LCORL: variants seen among roughly 807,000 people sequenced by gnomAD.
LCORL encodes the protein ligand dependent nuclear receptor corepressor like.
A neutral mutation model predicts 141.8 loss-of-function variants in LCORL; 41 were observed. That is an observed-to-expected ratio of 0.29 (90% CI 0.23 to 0.38). LCORL has a LOEUF of 0.38. Among genes scored for constraint, LCORL ranks in the 10% least tolerant of loss-of-function variants. LCORL has a pLI of 1.00. For synonymous variants in LCORL, 618 were observed against 694.1 expected, an observed-to-expected ratio of 0.89 and a Z score of 1.72; for missense variants, 1,759 against 2,035.0, an observed-to-expected ratio of 0.86 and a Z score of 2.61.
intron 7 of LCORL, among the ~76,000 whole-genome samples, chr4:17,856,467 G>A (rs1185920988): frequency 6.6e-6 from 1 of 152,134 alleles, no homozygotes; most frequent in Non-Finnish European, 1.5e-5. Context: ...CAAACCTGCT[G>A]GACCTTGATC....
chr4:17,935,010 G>A (rs1291331234), intron 4 of LCORL, among the ~76,000 whole-genome samples: 1 of 152,066 alleles, frequency 6.6e-6, no homozygotes, highest in Admixed American at 6.6e-5. Context: ...TACTCAATAT[G>A]TAGTTTCATA....
chr4:17,968,698 A>C (rs1715382465), intron 2 of LCORL, among the ~76,000 whole-genome samples: 2 of 152,218 alleles, frequency 1.3e-5, no homozygotes, highest in African/African-American at 4.8e-5. Context: ...TTATAGTATA[A>C]AAGCAGCCAT....
rs752737354 is a variant in LCORL, at chr4:17,877,147, G to A, written c.1843C>T (p.Arg615Cys). Residue 615 changes from arginine (R) to cysteine (C), a missense_variant, in exon 7 of 8, where the codon CGC becomes TGC. By Grantham distance (180) the Arg-to-Cys change is radical (BLOSUM62 -3). This residue lies in a region of LCORL where 1,311 missense variants were observed against 1,531.3 expected (regional missense o/e 0.86). Transcript: ENST00000635767. ...AACATGGGTGAATCAGAGGAGTTGCGCATTGCAAATAAAGTTTCTTGACGC... is the reference window on the plus strand; with the variant it reads ...AACATGGGTGAATCAGAGGAGTTGCACATTGCAAATAAAGTTTCTTGACGC... 2.9e-5 allele frequency: 36 copies of A among 1,230,516 alleles called. No homozygotes were observed. The African/African-American group carries it at 3.0e-4, about 10-fold the overall frequency. 76.2% of individuals were successfully genotyped at this position (1,230,516 alleles called of 1,614,324 possible).
chr4:17,963,938 C>T (rs1194071505), intron 2 of LCORL, among the ~76,000 whole-genome samples: 2 of 152,008 alleles, frequency 1.3e-5, no homozygotes, highest in Non-Finnish European at 2.9e-5. Flanking sequence ...AATTTTCATA[C>T]TTTTGAAATA....
intron 5 of LCORL, among the ~76,000 whole-genome samples, chr4:17,896,821 A>G (rs189546984): frequency 3.9e-4 from 59 of 152,154 alleles, no homozygotes; most frequent in African/African-American, 1.3e-3. Context: ...GATCTTATTC[A>G]TTCTACTTTT....
chr4:17,874,057 T>C, exon 7 of LCORL: 1 of 1,234,054 alleles, frequency 8.1e-7, no homozygotes, highest in East Asian at 3.2e-5. Context: ...ATGTCAGCAT[T>C]TGTTTCTCCC....
rs180754131 is a variant in LCORL, at chr4:17,869,448, G to A, written c.5602+3940C>T. 1.4e-4 allele frequency among the ~76,000 whole-genome samples: 21 copies of A among 152,128 alleles called. No individual in the cohort carries two copies. The East Asian group carries it at 3.9e-3, about 28-fold the overall frequency. ...TCTTGTTGCTATATTCAATGGAACC[G>A]TTTCAGGGCTCATCTTAGTTGACTT... On this transcript the variant is annotated intron_variant, in intron 7 of 7. Coordinates refer to ENST00000635767, the Ensembl canonical transcript of LCORL.
chr4:17,968,833 T>C (rs956423267), intron 2 of LCORL, among the ~76,000 whole-genome samples: 1 of 152,220 alleles, frequency 6.6e-6, no homozygotes, highest in African/African-American at 2.4e-5. Context: ...GAACCATTTT[T>C]AGTTCATAAG....
At chr4:18,019,057 T>G (rs1360574642) in intron 1 of LCORL, among the ~76,000 whole-genome samples, 1 of 152,188 alleles carries the variant, frequency 6.6e-6, no homozygotes, top group Non-Finnish European at 1.5e-5. Context: ...ACACCTAAGA[T>G]GCTAAAAAAA....
At chr4:17,844,211 T>C (rs1211173952) in exon 8 of LCORL, 1 of 152,374 alleles carries the variant, frequency 6.6e-6, no homozygotes, top group African/African-American at 2.4e-5. Flanking sequence ...TACCAATTTA[T>C]GAGCACTATT....
intron 6 of LCORL, chr4:17,880,623 T>TC (rs1727441481): frequency 1.0e-6 from 1 of 983,224 alleles, no homozygotes; most frequent in Non-Finnish European, 1.2e-6. Flanking sequence ...TTTCTTTTTT[T>TC]CTTTTACTGA....
chr4:17,992,764 C>G (rs1413534636), intron 1 of LCORL, among the ~76,000 whole-genome samples: 1 of 152,184 alleles, frequency 6.6e-6, no homozygotes, highest in Admixed American at 6.5e-5. Context: ...GACGATAAAT[C>G]CATTTAAGTG....
chr4:17,867,456 G>A (rs1370540951), intron 7 of LCORL, among the ~76,000 whole-genome samples: 1 of 152,184 alleles, frequency 6.6e-6, no homozygotes, highest in African/African-American at 2.4e-5. Context: ...GAACATGGCA[G>A]TGTTCCAATA....
intron 1 of LCORL, among the ~76,000 whole-genome samples, chr4:18,016,080 CA>C (rs765167752): frequency 2.0e-5 from 3 of 151,894 alleles, no homozygotes; most frequent in Non-Finnish European, 4.4e-5. Flanking sequence ...TAACATGTTC[CA>C]TGATCTTTTC....
chr4:17,860,523 A>C (rs1724879449), intron 7 of LCORL, among the ~76,000 whole-genome samples: 1 of 152,226 alleles, frequency 6.6e-6, no homozygotes, highest in Non-Finnish European at 1.5e-5. Context: ...ATGGGAATTC[A>C]AGATAAGATT....
chr4:17,915,850 T>C (rs1733314029), intron 4 of LCORL, among the ~76,000 whole-genome samples: 1 of 152,214 alleles, frequency 6.6e-6, no homozygotes. Flanking sequence ...AACTGTGATA[T>C]GGTTTAGATG....
chr4:17,899,454 T>A (rs961015000), intron 5 of LCORL, among the ~76,000 whole-genome samples: 1 of 151,954 alleles, frequency 6.6e-6, no homozygotes, highest in African/African-American at 2.4e-5. Context: ...GTGTCAGACA[T>A]AGACAGTGTG....
At chr4:17,882,524 T>C in intron 6 of LCORL, 1 of 984,632 alleles carries the variant, frequency 1.0e-6, no homozygotes, top group East Asian at 1.1e-4. Flanking sequence ...AGCTTCTAAC[T>C]ACCCAATTAG....
chr4:18,007,352 T>C (rs941163396), intron 1 of LCORL, among the ~76,000 whole-genome samples: 1 of 152,208 alleles, frequency 6.6e-6, no homozygotes, highest in African/African-American at 2.4e-5. Flanking sequence ...TACTACTATA[T>C]CCTGCTTACA....
Sources: gnomAD v4.1 joint callset for allele counts (sites outside exome capture counted in the v4.1 genomes callset) on GRCh38, gnomAD v4.1.1 for gene constraint, gnomAD v4.1.1 regional missense constraint, MANE v1.5 for transcripts, NCBI Gene and HGNC (gene_info 2026-07-23, HGNC 2026-07-21) for gene names.